Variants in SNX13 observed in about 807,000 individuals in gnomAD.
The protein encoded by SNX13 is sorting nexin-13.
A neutral mutation model predicts 133.6 loss-of-function variants in SNX13; 45 were observed. The observed-to-expected ratio is 0.34, with a 90% confidence interval of 0.27 to 0.43. The LOEUF (loss-of-function observed/expected upper bound fraction) is 0.43. SNX13 is among the 20% of genes least tolerant of loss of function. SNX13 has a pLI of 1.00. For missense variants in SNX13, 1,032 were observed against 1,145.1 expected, an observed-to-expected ratio of 0.90 and a Z score of 1.43; for synonymous variants, 414 against 373.9, an observed-to-expected ratio of 1.11 and a Z score of -1.24.
chr7:17,877,952 T>C (rs1794913713), intron 5 of SNX13, among the ~76,000 whole-genome samples: 1 of 152,050 alleles, frequency 6.6e-6, no homozygotes, highest in Admixed American at 6.5e-5. Flanking sequence ...TTCCCATTTA[T>C]AAATTAGGAT....
At chr7:17,807,871 T>G (rs1275260572) in intron 20 of SNX13, among the ~76,000 whole-genome samples, 2 of 151,118 alleles carry the variant, frequency 1.3e-5, no homozygotes, top group Admixed American at 1.3e-4. Context: ...GGGGCCTGAT[T>G]GTTAGAAGGA....
At chr7:17,878,639 C>T (rs568287239) in intron 5 of SNX13, among the ~76,000 whole-genome samples, 2 of 152,264 alleles carry the variant, frequency 1.3e-5, no homozygotes, top group Admixed American at 6.5e-5. Context: ...CCTTGCATTC[C>T]AATTTCCATA....
intron 1 of SNX13, among the ~76,000 whole-genome samples, chr7:17,931,909 A>C (rs1157700596): frequency 1.3e-5 from 2 of 152,242 alleles, no homozygotes; most frequent in Non-Finnish European, 2.9e-5. Flanking sequence ...ACGACATAAC[A>C]GTACTCTGTC....
intron 9 of SNX13, among the ~76,000 whole-genome samples, chr7:17,851,560 G>C (rs1032974917): frequency 1.3e-4 from 20 of 152,134 alleles, no homozygotes; most frequent in African/African-American, 4.8e-4. Flanking sequence ...GACGGGTTTT[G>C]TAAAGACAAT....
chr7:17,851,440 T>C (rs1189568763), intron 9 of SNX13, among the ~76,000 whole-genome samples: 5 of 151,934 alleles, frequency 3.3e-5, no homozygotes, highest in Non-Finnish European at 5.9e-5. Context: ...AGAGCCAAAA[T>C]CAGAAAAAAG....
At chr7:17,884,130 A>G (rs1413834795) in intron 5 of SNX13, among the ~76,000 whole-genome samples, 1 of 152,208 alleles carries the variant, frequency 6.6e-6, no homozygotes, top group Non-Finnish European at 1.5e-5. Context: ...ATAAATATAT[A>G]GAAAATAGAA....
chr7:17,883,092 G>A (rs1053858969), intron 5 of SNX13: 1 of 261,570 alleles, frequency 3.8e-6, no homozygotes, highest in African/African-American at 2.3e-5. Flanking sequence ...TAGGCATGCA[G>A]TTTTATATGA....
chr7:17,799,693 G>C (rs1007258766), intron 22 of SNX13, among the ~76,000 whole-genome samples: 1 of 151,778 alleles, frequency 6.6e-6, no homozygotes, highest in East Asian at 1.9e-4. Context: ...AAAAGGCATA[G>C]TTTACTAAAT....
intron 2 of SNX13, among the ~76,000 whole-genome samples, chr7:17,895,467 T>C (rs1797101308): frequency 1.3e-5 from 2 of 152,140 alleles, no homozygotes; most frequent in African/African-American, 2.4e-5. Context: ...TATCAACACT[T>C]GACAAGAATA....
At chr7:17,873,167 A>C (rs1417219686) in intron 8 of SNX13, among the ~76,000 whole-genome samples, 1 of 152,206 alleles carries the variant, frequency 6.6e-6, no homozygotes, top group Non-Finnish European at 1.5e-5. Context: ...ATGAACCTGA[A>C]GTTCCCCCGA....
chr7:17,890,301 T>A, intron 5 of SNX13, 62 bp downstream of exon 5: 1 of 1,512,714 alleles, frequency 6.6e-7, no homozygotes, highest in Non-Finnish European at 8.9e-7. Context: ...AAAGTTGTTT[T>A]CCTTACTGGT....
At chr7:17,889,132 A>T (rs986643925) in intron 5 of SNX13, 2 of 155,440 alleles carry the variant, frequency 1.3e-5, no homozygotes, top group Non-Finnish European at 2.8e-5. Flanking sequence ...ATAATGGTGC[A>T]TATGAAATAA....
intron 21 of SNX13, among the ~76,000 whole-genome samples, chr7:17,803,049 G>A (rs1653098579): frequency 6.6e-6 from 1 of 152,086 alleles, no homozygotes; most frequent in African/African-American, 2.4e-5. Flanking sequence ...TGCTTCCTGA[G>A]TGAATACTAG....
intron 5 of SNX13, chr7:17,879,794 A>G (rs1795137129): frequency 6.6e-6 from 1 of 152,216 alleles, no homozygotes; most frequent in Non-Finnish European, 1.5e-5. Flanking sequence ...TTCTAACAAA[A>G]GACTCCCCCA....
chr7:17,929,009 C>A, intron 1 of SNX13, among the ~76,000 whole-genome samples: 1 of 146,586 alleles, frequency 6.8e-6, no homozygotes, highest in Admixed American at 6.8e-5. Context: ...TAAAGTATAA[C>A]AAAAAATAGA....
chr7:17,926,101 A>G (rs1800724419), intron 1 of SNX13, among the ~76,000 whole-genome samples: 1 of 150,466 alleles, frequency 6.6e-6, no homozygotes, highest in South Asian at 2.1e-4. Context: ...AACAACAAAA[A>G]TAACAGAGAA....
At chr7:17,843,132 A>G (rs1790100116) in intron 12 of SNX13, among the ~76,000 whole-genome samples, 1 of 152,054 alleles carries the variant, frequency 6.6e-6, no homozygotes, top group African/African-American at 2.4e-5. Flanking sequence ...TCTAATCAAA[A>G]GACAGAGACT....
intron 1 of SNX13, chr7:17,897,909 T>C (rs1404514272): frequency 6.8e-6 from 1 of 147,882 alleles, no homozygotes; most frequent in Non-Finnish European, 1.5e-5. Context: ...GACATTTTAT[T>C]AGAAATTTAA....
intron 18 of SNX13, among the ~76,000 whole-genome samples, chr7:17,820,205 C>G (rs948585114): frequency 2.0e-5 from 3 of 152,044 alleles, no homozygotes; most frequent in African/African-American, 7.2e-5. Context: ...TAAAAAATTT[C>G]ATATTAAACT....
Sources: gnomAD v4.1 joint callset for allele counts (sites outside exome capture counted in the v4.1 genomes callset) on GRCh38, gnomAD v4.1.1 for gene constraint, MANE v1.5 for transcripts, NCBI Gene and HGNC (gene_info 2026-07-23, HGNC 2026-07-21) for gene names.